Variants in SOX5 observed in about 807,000 individuals in gnomAD.
The protein encoded by SOX5 is SRY-box transcription factor 5.
SOX5 carries 9 observed loss-of-function variants against 92.0 expected under a neutral mutation model. The observed-to-expected ratio is 0.10, with a 90% CI of 0.06 to 0.17. The LOEUF (loss-of-function observed/expected upper bound fraction) is 0.17. SOX5 is among the 10% of genes least tolerant of loss of function. SOX5 has a pLI of 1.00. For synonymous variants in SOX5, 344 were observed against 336.3 expected, an observed-to-expected ratio of 1.02 and a Z score of -0.25; for missense variants, 642 against 944.5, an observed-to-expected ratio of 0.68 and a Z score of 4.20.
At chr12:24,435,750 A>C (rs1939290858) in intron 1 of SOX5, among the ~76,000 whole-genome samples, 1 of 146,792 alleles carries the variant, frequency 6.8e-6, no homozygotes, top group African/African-American at 2.5e-5. Context: ...CACTTCACAG[A>C]TACTGTGGTT....
At chr12:24,097,479 C>T (rs1945566530) in intron 4 of SOX5, among the ~76,000 whole-genome samples, 1 of 142,900 alleles carries the variant, frequency 7.0e-6, no homozygotes, top group Non-Finnish European at 1.5e-5. Flanking sequence ...TATTTTCTTC[C>T]AATAATTTTA....
chr12:24,064,285 T>C (rs377129896), intron 4 of SOX5, among the ~76,000 whole-genome samples: 2 of 152,290 alleles, frequency 1.3e-5, no homozygotes, highest in South Asian at 4.1e-4. Flanking sequence ...ATGCAGGCTC[T>C]CAAAACTCAT....
At chr12:23,784,707 T>C (rs1045110254) in intron 3 of SOX5, among the ~76,000 whole-genome samples, 2 of 152,156 alleles carry the variant, frequency 1.3e-5, no homozygotes, top group Admixed American at 1.3e-4. Flanking sequence ...GTTGTGTGAG[T>C]ACACAGACTT....
intron 1 of SOX5, among the ~76,000 whole-genome samples, chr12:24,392,735 AT>A (rs1464536472): frequency 1.3e-5 from 2 of 152,136 alleles, no homozygotes; most frequent in African/African-American, 4.8e-5. Context: ...TCATTAGTAT[AT>A]TACTGGCATT....
chr12:23,931,213 CAATT>C (rs1941325244), intron 1 of SOX5, among the ~76,000 whole-genome samples: 1 of 151,752 alleles, frequency 6.6e-6, no homozygotes, highest in Non-Finnish European at 1.5e-5. Context: ...CAAATATTGA[CAATT>C]CATCATCAAG....
chr12:23,881,850 A>G (rs970575564), intron 2 of SOX5, among the ~76,000 whole-genome samples: 17 of 152,022 alleles, frequency 1.1e-4, no homozygotes, highest in Non-Finnish European at 2.9e-5. Context: ...CTCTGTGTGA[A>G]GCAAAAACAC....
chr12:24,155,438 G>C (rs1435929632), intron 4 of SOX5, among the ~76,000 whole-genome samples: 1 of 151,356 alleles, frequency 6.6e-6, no homozygotes, highest in East Asian at 1.9e-4. Context: ...CCATAATTTT[G>C]CTGTCATGAC....
At chr12:24,537,186 T>C (rs895075458) in intron 1 of SOX5, among the ~76,000 whole-genome samples, 8 of 152,174 alleles carry the variant, frequency 5.3e-5, no homozygotes, top group African/African-American at 1.7e-4. Flanking sequence ...TTCTTCAAAG[T>C]GAGTATCATA....
At chr12:24,385,337 G>A (rs1359707850) in intron 1 of SOX5, among the ~76,000 whole-genome samples, 1 of 152,150 alleles carries the variant, frequency 6.6e-6, no homozygotes, top group East Asian at 1.9e-4. Flanking sequence ...TTGCCAAACT[G>A]TAGGTTAATG....
intron 1 of SOX5, among the ~76,000 whole-genome samples, chr12:24,514,844 C>T (rs549990738): frequency 6.6e-6 from 1 of 152,024 alleles, no homozygotes; most frequent in Non-Finnish European, 1.5e-5. Flanking sequence ...TAAGTGGAAG[C>T]TAAATGATGA....
At chr12:24,543,498 C>T (rs1442563884) in intron 1 of SOX5, among the ~76,000 whole-genome samples, 1 of 152,128 alleles carries the variant, frequency 6.6e-6, no homozygotes, top group Non-Finnish European at 1.5e-5. Context: ...ACCAGCCTGG[C>T]CAACATGGTG....
chr12:24,263,871 G>C (rs975495609), intron 3 of SOX5, among the ~76,000 whole-genome samples: 1 of 152,052 alleles, frequency 6.6e-6, no homozygotes, highest in Admixed American at 6.5e-5. Context: ...CTGCACACTT[G>C]TACTTTCTAG....
At chr12:24,421,546 C>A (rs1965915898) in intron 1 of SOX5, among the ~76,000 whole-genome samples, 1 of 152,122 alleles carries the variant, frequency 6.6e-6, no homozygotes, top group Admixed American at 6.6e-5. Flanking sequence ...TTTACCTGAT[C>A]AGTACTCTCT....
chr12:24,279,482 G>A (rs748304582), intron 2 of SOX5, among the ~76,000 whole-genome samples: 77 of 152,046 alleles, frequency 5.1e-4, no homozygotes, highest in Middle Eastern at 3.4e-3. Flanking sequence ...TATAGAACAG[G>A]AAACAACCTA....
rs192161838 is a variant in SOX5, at chr12:24,163,361, C to G, written c.-2+49982G>C. Among the ~76,000 whole-genome samples the G allele has an allele frequency of 5.3e-5, 8 of 152,200 alleles. No individual in the cohort carries two copies. The East Asian group carries it at 1.5e-3, about 29-fold the overall frequency. On this transcript the variant is annotated intron_variant, in intron 4 of 4. Transcript: ENST00000446891. ...ATCTTAATAAACAGTAGGCCTGATC[C>G]AGGATCTGGGAGGTAGCCATATGAT...
chr12:23,763,651 GC>G (rs1441150171), intron 3 of SOX5, among the ~76,000 whole-genome samples: 3 of 149,772 alleles, frequency 2.0e-5, no homozygotes, highest in Non-Finnish European at 4.5e-5. Context: ...ATTAATCTTT[GC>G]CTTTTTTTTT....
At chr12:23,879,526 T>C (rs1043860640) in intron 2 of SOX5, among the ~76,000 whole-genome samples, 11 of 152,152 alleles carry the variant, frequency 7.2e-5, no homozygotes, top group African/African-American at 2.7e-4. Context: ...GCAAACTGCC[T>C]TGACATTAAA....
chr12:24,247,387 T>G (rs1345280008), intron 3 of SOX5, among the ~76,000 whole-genome samples: 1 of 152,138 alleles, frequency 6.6e-6, no homozygotes, highest in African/African-American at 2.4e-5. Flanking sequence ...TGGCTTAAAA[T>G]GAAATCAGTT....
chr12:24,278,575 G>A (rs1159170824), intron 2 of SOX5, among the ~76,000 whole-genome samples: 2 of 152,036 alleles, frequency 1.3e-5, no homozygotes, highest in Non-Finnish European at 2.9e-5. Flanking sequence ...GCTAAGCATG[G>A]TGGCATGCAT....
Sources: gnomAD v4.1 joint callset for allele counts (sites outside exome capture counted in the v4.1 genomes callset) on GRCh38, gnomAD v4.1.1 for gene constraint, MANE v1.5 for transcripts, NCBI Gene and HGNC (gene_info 2026-07-23, HGNC 2026-07-21) for gene names.